Variants in NAV2 observed in about 807,000 individuals in gnomAD.
The protein encoded by NAV2 is neuron navigator 2, also known as helicase, APC down-regulated 1.
In NAV2, 54 loss-of-function variants were observed where a neutral mutation model predicts 223.2. The ratio of observed to expected loss-of-function variants is 0.24; its 90% CI spans 0.19 to 0.30. The LOEUF is 0.30. NAV2 is among the 10% of genes least tolerant of loss of function. The probability of loss-of-function intolerance (pLI) is 1.00; values close to 1 mark genes in which losing one functional copy is unlikely to be tolerated. For synonymous variants in NAV2, 1,279 were observed against 1,239.3 expected (o/e 1.03, Z -0.67); for missense variants, 2,806 against 3,147.5 (o/e 0.89, Z 2.60).
chr11:19,792,508 G>A (rs2057593155), intron 1 of NAV2, among the ~76,000 whole-genome samples: 1 of 152,186 alleles, frequency 6.6e-6, no homozygotes. Flanking sequence ...CACGCTTCCA[G>A]AGGGAAAGAG....
Position 20,105,730 on chromosome 11 carries a change from G to A in NAV2, c.6841+3G>A, listed in dbSNP as rs2061976536. 2 of 1,609,894 alleles carry A rather than the reference G, an allele frequency of 1.2e-6. No individual in the cohort carries two copies. The highest frequency in any genetic ancestry group is 1.3e-5 in the African/African-American group (1 of 74,850). ...CAGTTCCTCGGACGTCACCATCGGT[G>A]GGTGGGAGACTGGGGTCAGGGGGGC... is the stretch of plus-strand genomic sequence containing the variant. On this transcript the variant is annotated splice_donor_region_variant and intron_variant, in intron 35 of 37. Coordinates refer to ENST00000349880, the MANE Select transcript of NAV2 (RefSeq NM_145117.5).
chr11:19,657,592 T>C (rs114964210), intron 1 of NAV2, among the ~76,000 whole-genome samples: 1 of 152,280 alleles, frequency 6.6e-6, no homozygotes, highest in African/African-American at 2.4e-5. Context: ...TCACTCCTTC[T>C]CTGTATTCTG....
intron 1 of NAV2, among the ~76,000 whole-genome samples, chr11:19,733,740 G>C (rs1184775442): frequency 6.6e-6 from 1 of 152,150 alleles, no homozygotes; most frequent in Admixed American, 6.6e-5. Flanking sequence ...GCTGAAAATA[G>C]TGTATAAGAG....
intron 1 of NAV2, among the ~76,000 whole-genome samples, chr11:19,444,004 G>A (rs2702649): frequency 0.33 from 50,017 of 151,870 alleles, 8,719 homozygotes; most frequent in East Asian, 0.54. Flanking sequence ...GCGCAATCTC[G>A]GCTCACTGCA....
intron 1 of NAV2, among the ~76,000 whole-genome samples, chr11:19,433,663 T>C (rs578168595): frequency 2.0e-5 from 3 of 152,324 alleles, no homozygotes; most frequent in Admixed American, 6.5e-5. Flanking sequence ...GGCTTGCTTG[T>C]TGAAGAATGT....
At chr11:19,846,184 A>G (rs903528804) in intron 3 of NAV2, among the ~76,000 whole-genome samples, 1 of 152,216 alleles carries the variant, frequency 6.6e-6, no homozygotes, top group Non-Finnish European at 1.5e-5. Flanking sequence ...CATGGAACCC[A>G]TTTCTGGAGA....
chr11:19,881,688 G>A (rs1410024701), intron 5 of NAV2, among the ~76,000 whole-genome samples: 1 of 152,180 alleles, frequency 6.6e-6, no homozygotes, highest in Non-Finnish European at 1.5e-5. Flanking sequence ...GATTGCCGAG[G>A]TGCCTGCTCT....
intron 1 of NAV2, among the ~76,000 whole-genome samples, chr11:19,730,133 A>C (rs1023549198): frequency 6.6e-6 from 1 of 152,158 alleles, no homozygotes; most frequent in East Asian, 1.9e-4. Context: ...CCACAGTTCT[A>C]TGGTGAATGT....
rs576302830 is a variant in NAV2, at chr11:20,030,421, C to T, written c.2769-5538C>T. Reference sequence around the variant, plus strand: ...GATTTAATATTTAATCGAAGTTTTCCGTTTTTTATCTAGATTTTCTTAGAA... The same window carrying T: ...GATTTAATATTTAATCGAAGTTTTCTGTTTTTTATCTAGATTTTCTTAGAA... On this transcript the variant is annotated intron_variant, in intron 11 of 37. Transcript: ENST00000349880. Among the ~76,000 whole-genome samples the T allele has an allele frequency of 5.9e-5, 9 of 152,180 alleles. No homozygotes were observed. In the South Asian group the frequency reaches 6.2e-4, roughly 11 times the overall value.
chr11:19,685,338 G>A (rs541448505), intron 1 of NAV2, among the ~76,000 whole-genome samples: 9 of 152,196 alleles, frequency 5.9e-5, no homozygotes, highest in Non-Finnish European at 8.8e-5. Flanking sequence ...AAGAAGCCTC[G>A]AAGACTTCCA....
intron 1 of NAV2, among the ~76,000 whole-genome samples, chr11:19,399,947 G>T (rs533344827): frequency 6.6e-6 from 1 of 152,208 alleles, no homozygotes; most frequent in Non-Finnish European, 1.5e-5. Flanking sequence ...AAGTGATGAC[G>T]CTTCAGTTAG....
At chr11:19,349,226 A>G (rs889499364), upstream of NAV2, among the ~76,000 whole-genome samples, 1 of 152,154 alleles carries the variant, frequency 6.6e-6, no homozygotes, top group African/African-American at 2.4e-5. Flanking sequence ...GTTCTGGCCG[A>G]GTGTTTCACG....
At position 19,924,613 on chromosome 11, in the gene NAV2, T is replaced by C. The variant is rs2044574764; in HGVS notation, c.932-8563T>C. Among the ~76,000 whole-genome samples the C allele has an allele frequency of 2.0e-5, 3 of 152,242 alleles. 1 individual carries two copies. Among genetic ancestry groups the C allele is most frequent in the Admixed American group, 1.3e-4 (2 of 15,278 alleles). On this transcript the variant is annotated intron_variant, in intron 6 of 37. Transcript: ENST00000349880. ...TATTTTTGATCAAACTGTCACAAGA[T>C]ACTGGAGTATTCATACATGACATTT...
At chr11:19,871,404 C>A (rs2062482942) in intron 4 of NAV2, among the ~76,000 whole-genome samples, 1 of 152,172 alleles carries the variant, frequency 6.6e-6, no homozygotes. Context: ...CTTTCCCCTT[C>A]CCATGTTCTT....
intron 1 of NAV2, among the ~76,000 whole-genome samples, chr11:19,745,115 T>C (rs1236913115): frequency 6.6e-6 from 1 of 152,204 alleles, no homozygotes; most frequent in Non-Finnish European, 1.5e-5. Flanking sequence ...ACATGGAAGA[T>C]GAGTCCAGTA....
At position 20,105,541 on chromosome 11, in the gene NAV2, T is replaced by C; in HGVS notation, c.6655T>C (p.Cys2219Arg). ...TCTGACTTCCTCCAGATGGGTGCTT[T>C]GTGCCAACCACACGGAGCCTGTGAA... Reference protein sequence around the residue: ...QLHHNFRWVLCANHTEPVKGF... With the variant: ...QLHHNFRWVLRANHTEPVKGF... Residue 2219 changes from cysteine (C) to arginine (R), a missense_variant, in exon 35 of 38, where the codon TGT becomes CGT. Around this residue, in one of 4 missense-constraint regions of NAV2, gnomAD observed 824 missense variants for 1,069.4 expected, o/e 0.77. Coordinates refer to ENST00000349880, the MANE Select transcript of NAV2 (RefSeq NM_145117.5). 6.2e-7 allele frequency: 1 copy of C among 1,613,158 alleles called. No individual in the cohort carries two copies. The highest frequency in any genetic ancestry group is 8.5e-7 in the Non-Finnish European group (1 of 1,179,410).
At chr11:19,663,300 T>A (rs542734539) in intron 1 of NAV2, among the ~76,000 whole-genome samples, 42 of 152,340 alleles carry the variant, frequency 2.8e-4, no homozygotes, top group African/African-American at 9.4e-4. Context: ...GGGTGCTTAT[T>A]ATATGGTGGG....
intron 1 of NAV2, among the ~76,000 whole-genome samples, chr11:19,664,798 G>A (rs1319905521): frequency 6.6e-6 from 1 of 152,210 alleles, no homozygotes; most frequent in Admixed American, 6.5e-5. Context: ...AAATGAAGGA[G>A]AGGAAATGGA....
chr11:19,650,312 G>C (rs1721822944), intron 1 of NAV2, among the ~76,000 whole-genome samples: 1 of 152,198 alleles, frequency 6.6e-6, no homozygotes, highest in African/African-American at 2.4e-5. Flanking sequence ...ACAGAGGCAG[G>C]TATGGGAGTT....
Sources: allele counts gnomAD v4.1 joint callset (sites outside exome capture counted in the v4.1 genomes callset), GRCh38; gene constraint gnomAD v4.1.1; regional missense constraint gnomAD v4.1.1; transcripts MANE v1.5; gene names NCBI Gene and HGNC (gene_info 2026-07-23, HGNC 2026-07-21).